The following ALDH1L1 variants were observed in gnomAD, a reference collection of about 807,000 sequenced individuals.
The protein encoded by ALDH1L1 is aldehyde dehydrogenase 1 family member L1, also known as cytosolic 10-formyltetrahydrofolate dehydrogenase.
In ALDH1L1, 68 loss-of-function variants were observed where a neutral mutation model predicts 101.1. The observed-to-expected ratio is 0.67, with a 90% confidence interval of 0.55 to 0.82. The LOEUF (loss-of-function observed/expected upper bound fraction) is 0.82, where lower values mean the gene tolerates loss of function less well. Among genes scored for constraint, ALDH1L1 ranks in the 40% least tolerant of loss-of-function variants. The pLI, the probability that ALDH1L1 is intolerant of heterozygous loss-of-function variation, is 0.00. For missense variants in ALDH1L1, 1,087 were observed against 1,172.7 expected (o/e 0.93, Z 1.07); for synonymous variants, 486 against 470.8 (o/e 1.03, Z -0.42).
intron 17 of ALDH1L1, among the ~76,000 whole-genome samples, chr3:126,117,045 A>G (rs2079983834): frequency 6.6e-6 from 1 of 152,148 alleles, no homozygotes; most frequent in Non-Finnish European, 1.5e-5. Context: ...GGAGTTCGAG[A>G]CCAGGCTGGG....
At chr3:126,126,788 G>A (rs2080195808) in intron 14 of ALDH1L1, among the ~76,000 whole-genome samples, 1 of 152,228 alleles carries the variant, frequency 6.6e-6, no homozygotes, top group African/African-American at 2.4e-5. Flanking sequence ...GAGTCTAATG[G>A]CATGCCCTTG....
intron 1 of ALDH1L1, among the ~76,000 whole-genome samples, chr3:126,194,774 CTT>C (rs1437451040): frequency 1.3e-5 from 2 of 152,024 alleles, no homozygotes; most frequent in African/African-American, 4.8e-5. Flanking sequence ...ATTTCCATCC[CTT>C]CTTATAATCT....
intron 20 of ALDH1L1, 48 bp downstream of exon 20, chr3:126,109,896 A>G (rs1306066386): frequency 3.7e-6 from 6 of 1,603,008 alleles, no homozygotes; most frequent in South Asian, 1.1e-5. Flanking sequence ...AGGCCATGGG[A>G]CCTGCTGCCT....
chr3:126,157,312 G>A lies in ALDH1L1; in HGVS notation c.528+31C>T, dbSNP rs529302301. 24 of 1,594,022 alleles carry A rather than the reference G, an allele frequency of 1.5e-5. No individual in the cohort carries two copies. In the African/African-American group the frequency reaches 2.8e-4, roughly 19 times the overall value. ...AGGATGCTTGAGGGTGCGTCGGGGCGGGCAGGGCGCGGCCGGCTCCAGGTC... is the reference window on the plus strand; with the variant it reads ...AGGATGCTTGAGGGTGCGTCGGGGCAGGCAGGGCGCGGCCGGCTCCAGGTC... On this transcript the variant is annotated intron_variant, in intron 4 of 22. Transcript: ENST00000393434.
chr3:126,136,230 A>G (rs1381538733), intron 11 of ALDH1L1, among the ~76,000 whole-genome samples: 2 of 152,176 alleles, frequency 1.3e-5, no homozygotes, highest in African/African-American at 4.8e-5. Context: ...TATAGGATGG[A>G]CAGGATAGAA....
intron 1 of ALDH1L1, among the ~76,000 whole-genome samples, chr3:126,191,507 T>C (rs1333056146): frequency 6.6e-6 from 1 of 152,214 alleles, no homozygotes; most frequent in Non-Finnish European, 1.5e-5. Context: ...AAGGCCGGTT[T>C]CTGCCAGTGA....
chr3:126,123,656 A>C (rs1025299801), intron 16 of ALDH1L1, among the ~76,000 whole-genome samples: 4 of 150,190 alleles, frequency 2.7e-5, no homozygotes, highest in Non-Finnish European at 5.9e-5. Context: ...AAAATAGAAG[A>C]ACCACTCAGG....
chr3:126,117,599 C>CTATG (rs1201103404), intron 17 of ALDH1L1, among the ~76,000 whole-genome samples: 1 of 151,366 alleles, frequency 6.6e-6, no homozygotes, highest in Admixed American at 6.6e-5. Flanking sequence ...CTACAGTGAG[C>CTATG]TATGATGGTG....
rs753521282 is a variant in ALDH1L1 at position 126,137,952 on chromosome 3, T to G, written c.1085A>C (p.Glu362Ala). 3.1e-6 allele frequency: 5 copies of G among 1,613,782 alleles called. No individual in the cohort carries two copies. The highest frequency in any genetic ancestry group is 4.2e-6 in the Non-Finnish European group (5 of 1,179,934). The change falls in exon 10 of 23, where the codon GAG becomes GCG. Residue 362 changes from glutamate to alanine, a missense_variant. Transcript: ENST00000393434. The part of the protein sequence containing the change: ...AASVDVVRLV[E>A]EVKELCDGLE... ...GCCATCACACAGCTCCTTCACTTCC[T>G]CCACCAGCCTGGAGGAAGGAGATGG...
At chr3:126,124,982 G>T (rs1576429252) in intron 15 of ALDH1L1, among the ~76,000 whole-genome samples, 1 of 152,284 alleles carries the variant, frequency 6.6e-6, no homozygotes, top group East Asian at 1.9e-4. Flanking sequence ...CACCATCCCT[G>T]CCATGTCATG....
Position 126,110,127 on chromosome 3 carries a change from A to G in ALDH1L1, c.2182-18T>C, listed in dbSNP as rs137860341. On this transcript the variant is annotated intron_variant, in intron 19 of 22. Transcript: ENST00000393434. ...TCTTCTACCTGCAGAAAGTCCTCCA[A>G]GTCAGGTGTGGCTTGTGCTGCCACA... 4.7e-4 allele frequency: 763 copies of G among 1,613,482 alleles called. 4 individuals are homozygous for G. The African/African-American group carries it at 9.0e-3, about 19-fold the overall frequency.
At chr3:126,115,836 A>G (rs2079956071) in intron 17 of ALDH1L1, among the ~76,000 whole-genome samples, 2 of 151,498 alleles carry the variant, frequency 1.3e-5, no homozygotes, top group African/African-American at 2.4e-5. Context: ...CGGCCTCCCA[A>G]AATGCTGGGA....
At chr3:126,184,961 G>A (rs1171981985), upstream of ALDH1L1, among the ~76,000 whole-genome samples, 4 of 152,024 alleles carry the variant, frequency 2.6e-5, no homozygotes, top group African/African-American at 4.8e-5. Context: ...ACCCTGCCTC[G>A]TGAGTTACTC....
intron 6 of ALDH1L1, 21 bp from the exon 7 acceptor site, chr3:126,153,602 A>T: frequency 1.1e-5 from 18 of 1,605,168 alleles, no homozygotes; most frequent in Non-Finnish European, 1.5e-5. Context: ...GAGAAATATC[A>T]GAAGATGGTG....
chr3:126,146,401 T>G (rs746899493), intron 9 of ALDH1L1, among the ~76,000 whole-genome samples: 2 of 152,166 alleles, frequency 1.3e-5, no homozygotes, highest in African/African-American at 2.4e-5. Flanking sequence ...CTGAATCTGA[T>G]GCAAATCAGC....
chr3:126,175,735 C>A (rs773969981), intron 1 of ALDH1L1, among the ~76,000 whole-genome samples: 1 of 152,136 alleles, frequency 6.6e-6, no homozygotes, highest in East Asian at 1.9e-4. Flanking sequence ...CAGCTAACAT[C>A]ATACTTAATG....
At chr3:126,176,439 G>T (rs750646552) in intron 1 of ALDH1L1, among the ~76,000 whole-genome samples, 8 of 152,094 alleles carry the variant, frequency 5.3e-5, no homozygotes, top group Non-Finnish European at 1.0e-4. Context: ...TTACTATAAA[G>T]CTACAGTAAT....
At chr3:126,123,257 C>CT (rs138624090) in intron 16 of ALDH1L1, among the ~76,000 whole-genome samples, 254 of 138,670 alleles carry the variant, frequency 1.8e-3, no homozygotes, top group East Asian at 7.8e-3. Flanking sequence ...CACCAAAACT[C>CT]TTTTTTTTTT....
chr3:126,135,493 C>T, intron 12 of ALDH1L1, 42 bp downstream of exon 12: 1 of 1,590,754 alleles, frequency 6.3e-7, no homozygotes. Context: ...TGCCCAGAAG[C>T]TGATGGTGGC....
Sources: gnomAD v4.1 joint callset for allele counts (sites outside exome capture counted in the v4.1 genomes callset) on GRCh38, gnomAD v4.1.1 for gene constraint, MANE v1.5 for transcripts, NCBI Gene and HGNC (gene_info 2026-07-23, HGNC 2026-07-21) for gene names.